BTRC: variants seen among roughly 807,000 people sequenced by gnomAD.
BTRC encodes beta-transducin repeat containing E3 ubiquitin protein ligase.
A neutral mutation model predicts 85.5 loss-of-function variants in BTRC; 42 were observed. The observed-to-expected ratio is 0.49, with a 90% confidence interval of 0.38 to 0.64. BTRC has a LOEUF of 0.64. BTRC is among the 30% of genes least tolerant of loss of function. The pLI is 0.00. For synonymous variants in BTRC, 255 were observed against 263.3 expected (o/e 0.97, Z 0.30); for missense variants, 594 against 743.5 (o/e 0.80, Z 2.34).
intron 2 of BTRC, among the ~76,000 whole-genome samples, chr10:101,437,485 G>T (rs1944562468): frequency 1.3e-5 from 2 of 152,124 alleles, no homozygotes; most frequent in African/African-American, 4.8e-5. Flanking sequence ...ATTAAATTAT[G>T]AGATATACAG....
chr10:101,393,719 G>A lies in BTRC; in HGVS notation c.49-36626G>A, dbSNP rs183988130. 3.4e-3 allele frequency among the ~76,000 whole-genome samples: 521 copies of A among 151,510 alleles called. 3 individuals are homozygous for A. Among genetic ancestry groups the A allele is most frequent in the Non-Finnish European group, 4.3e-3 (294 of 67,780 alleles). On this transcript the variant is annotated intron_variant, in intron 1 of 14. Coordinates refer to ENST00000370187, the MANE Select transcript of BTRC (RefSeq NM_033637.4). ...GTATGAGAGTAGTGGAAAAACACGAGGTTGGAAAGAGTCTTTCCCTACACA... is the reference window on the plus strand; with the variant it reads ...GTATGAGAGTAGTGGAAAAACACGAAGTTGGAAAGAGTCTTTCCCTACACA...
intron 1 of BTRC, among the ~76,000 whole-genome samples, chr10:101,429,985 G>C (rs1311005435): frequency 6.6e-6 from 1 of 151,994 alleles, no homozygotes; most frequent in African/African-American, 2.4e-5. Context: ...ATTACACCCT[G>C]TGGTGAGTTT....
chr10:101,553,012 G>T (rs894060229), intron 14 of BTRC, 143 bp from the exon 15 acceptor site: 1 of 152,308 alleles, frequency 6.6e-6, no homozygotes, highest in African/African-American at 2.4e-5. Flanking sequence ...AGAAGCTCCT[G>T]CATGGCATAG....
chr10:101,542,447 T>C (rs569745837), intron 13 of BTRC, among the ~76,000 whole-genome samples: 1 of 152,354 alleles, frequency 6.6e-6, no homozygotes, highest in South Asian at 2.1e-4. Context: ...GTTTATAATA[T>C]TCAGGTCTTC....
chr10:101,541,551 C>T (rs192499804), intron 13 of BTRC, among the ~76,000 whole-genome samples: 6 of 152,222 alleles, frequency 3.9e-5, no homozygotes, highest in Admixed American at 2.6e-4. Flanking sequence ...TGAACCACCG[C>T]GCCCGGCCTA....
intron 13 of BTRC, among the ~76,000 whole-genome samples, chr10:101,549,993 A>G (rs1427708817): frequency 6.6e-6 from 1 of 152,188 alleles, no homozygotes; most frequent in Non-Finnish European, 1.5e-5. Context: ...TGGTTTTACA[A>G]AGTAGCAAAG....
At chr10:101,354,400 G>T in intron 1 of BTRC, 172 bp downstream of exon 1, 1 of 717,614 alleles carries the variant, frequency 1.4e-6, no homozygotes, top group South Asian at 2.1e-5. Flanking sequence ...GGGGGTTGCG[G>T]AGCGGACCCA....
intron 4 of BTRC, among the ~76,000 whole-genome samples, chr10:101,500,178 T>C (rs1946367115): frequency 6.6e-6 from 1 of 151,976 alleles, no homozygotes; most frequent in South Asian, 2.1e-4. Flanking sequence ...TAGAGTGTAC[T>C]TCCGCAAATC....
intron 1 of BTRC, among the ~76,000 whole-genome samples, chr10:101,422,991 T>C (rs910760687): frequency 1.3e-5 from 2 of 152,208 alleles, no homozygotes; most frequent in African/African-American, 4.8e-5. Flanking sequence ...AGTAGTTTTT[T>C]CCAATTCTGT....
chr10:101,543,077 C>A (rs2062494036), intron 13 of BTRC, among the ~76,000 whole-genome samples: 1 of 152,160 alleles, frequency 6.6e-6, no homozygotes, highest in Non-Finnish European at 1.5e-5. Flanking sequence ...AGGATTTTGC[C>A]ATGTTGGGCA....
chr10:101,506,094 A>G (rs939600392), intron 4 of BTRC, among the ~76,000 whole-genome samples: 1 of 152,042 alleles, frequency 6.6e-6, no homozygotes, highest in Non-Finnish European at 1.5e-5. Context: ...TTCTATTTTT[A>G]GTAGAGACGG....
chr10:101,550,594 C>T (rs563172178), intron 13 of BTRC, 105 bp from the exon 14 acceptor site: 15 of 1,287,882 alleles, frequency 1.2e-5, no homozygotes, highest in African/African-American at 8.8e-5. Flanking sequence ...TTTATAACAG[C>T]AAACCATAGC....
intron 1 of BTRC, among the ~76,000 whole-genome samples, chr10:101,390,216 A>G (rs2133980121): frequency 6.6e-6 from 1 of 152,316 alleles, no homozygotes; most frequent in South Asian, 2.1e-4. Flanking sequence ...CATTTTGTAA[A>G]ATAGAAGCTG....
chr10:101,366,830 T>TTG (rs1942406801), intron 1 of BTRC, among the ~76,000 whole-genome samples: 1 of 45,070 alleles, frequency 2.2e-5, no homozygotes, highest in Non-Finnish European at 5.1e-5. Context: ...TAATATATAT[T>TTG]TATATATATT....
At chr10:101,539,909 G>C (rs1437151880) in intron 13 of BTRC, among the ~76,000 whole-genome samples, 1 of 152,222 alleles carries the variant, frequency 6.6e-6, no homozygotes, top group East Asian at 1.9e-4. Flanking sequence ...ATAATGTCAA[G>C]CATCTATTCT....
chr10:101,474,419 A>G (rs1436380842), intron 3 of BTRC, among the ~76,000 whole-genome samples: 1 of 152,344 alleles, frequency 6.6e-6, no homozygotes. Flanking sequence ...ACTTGATAGA[A>G]GTCAAACTCT....
At chr10:101,522,708 A>G (rs942820591) in intron 5 of BTRC, among the ~76,000 whole-genome samples, 6 of 151,650 alleles carry the variant, frequency 4.0e-5, no homozygotes. Flanking sequence ...GGTGTGAGCC[A>G]CCGTACCCAG....
At chr10:101,433,714 A>C (rs74152902) in intron 2 of BTRC, among the ~76,000 whole-genome samples, 23 of 152,320 alleles carry the variant, frequency 1.5e-4, no homozygotes, top group African/African-American at 5.5e-4. Context: ...TAAGTCACTG[A>C]AAGGATTTAA....
At chr10:101,468,047 G>A (rs2134189085) in intron 3 of BTRC, among the ~76,000 whole-genome samples, 1 of 152,234 alleles carries the variant, frequency 6.6e-6, no homozygotes, top group South Asian at 2.1e-4. Flanking sequence ...AGAAAACACG[G>A]TTTGGCAATT....
Sources: allele counts gnomAD v4.1 joint callset (sites outside exome capture counted in the v4.1 genomes callset), GRCh38; gene constraint gnomAD v4.1.1; transcripts MANE v1.5; gene names NCBI Gene and HGNC (gene_info 2026-07-23, HGNC 2026-07-21).